The following EPYC variants were observed in gnomAD, a reference collection of about 807,000 sequenced individuals.
EPYC encodes dermatan sulfate proteoglycan 3.
EPYC carries 28 observed loss-of-function variants against 30.1 expected under a neutral mutation model. The observed-to-expected ratio is 0.93, with a 90% CI of 0.69 to 1.28. The LOEUF (loss-of-function observed/expected upper bound fraction) is 1.28. Among genes scored for constraint, EPYC ranks in the 50% most tolerant of loss-of-function variants. EPYC has a pLI of 0.00. For synonymous variants in EPYC, 144 were observed against 141.4 expected (o/e 1.02, Z -0.13); for missense variants, 382 against 383.5 (o/e 1.00, Z 0.03).
chr12:90,972,717 C>T, intron 4 of EPYC, 105 bp downstream of exon 4: 3 of 992,836 alleles, frequency 3.0e-6, no homozygotes, highest in Non-Finnish European at 2.9e-6. Flanking sequence ...ATTCATGAAC[C>T]AGGCTTTGGC....
At chr12:90,999,108 C>A (rs1453848436) in intron 2 of EPYC, among the ~76,000 whole-genome samples, 3 of 151,974 alleles carry the variant, frequency 2.0e-5, no homozygotes, top group Non-Finnish European at 4.4e-5. Context: ...TTAGGTCAGG[C>A]CCTTTTAGGT....
chr12:90,964,418 T>G, intron 6 of EPYC, 92 bp from the exon 7 acceptor site: 2 of 898,806 alleles, frequency 2.2e-6, no homozygotes, highest in Non-Finnish European at 3.2e-6. Flanking sequence ...CTTGTTTTTA[T>G]TCTTTTGTTA....
At chr12:90,970,640 C>T (rs1042931309) in intron 5 of EPYC, among the ~76,000 whole-genome samples, 1 of 152,202 alleles carries the variant, frequency 6.6e-6, no homozygotes, top group Non-Finnish European at 1.5e-5. Context: ...GCCAAACACC[C>T]TAGAATAAAC....
chr12:90,990,845 G>C (rs1565874957), intron 2 of EPYC, among the ~76,000 whole-genome samples: 1 of 152,086 alleles, frequency 6.6e-6, no homozygotes, highest in Admixed American at 6.6e-5. Context: ...TGATTTATTA[G>C]ACTTGACAAC....
intron 6 of EPYC, 79 bp downstream of exon 6, chr12:90,969,965 C>G: frequency 1.0e-6 from 1 of 973,932 alleles, no homozygotes; most frequent in Non-Finnish European, 1.6e-6. Flanking sequence ...CCATTACAGA[C>G]AAATTCTTGT....
At position 90,972,924 on chromosome 12, in the gene EPYC, G is replaced by T; in HGVS notation, c.397C>A (p.His133Asn). The stretch of plus-strand genomic sequence containing the variant: ...AGCGGAGGAATAGCATCAAGTTCAT[G>T]GTCATCACAGTACACGGTGGTACTT... ...CISTTVYCDD[H>N]ELDAIPPLPK... Residue 133 changes from histidine to asparagine, a missense_variant, in exon 4 of 7, where the codon CAT becomes AAT. By Grantham distance (68) the His-to-Asn change is moderately conservative. Transcript: ENST00000261172. 6.2e-7 allele frequency: 1 copy of T among 1,612,344 alleles called. No individual in the cohort carries two copies. The highest frequency in any genetic ancestry group is 2.2e-5 in the East Asian group (1 of 44,854).
At chr12:91,002,707 T>G in intron 1 of EPYC, 129 bp from the exon 2 acceptor site, 1 of 674,526 alleles carries the variant, frequency 1.5e-6, no homozygotes, top group Non-Finnish European at 2.4e-6. Context: ...CCATGGATAA[T>G]TTATAAACAT....
At chr12:90,999,729 T>C (rs1257961272) in intron 2 of EPYC, among the ~76,000 whole-genome samples, 2 of 152,088 alleles carry the variant, frequency 1.3e-5, no homozygotes, top group African/African-American at 4.8e-5. Flanking sequence ...ATGTCATGAG[T>C]AACTCTATTA....
chr12:90,993,646 T>C (rs1169945409), intron 2 of EPYC, among the ~76,000 whole-genome samples: 1 of 151,944 alleles, frequency 6.6e-6, no homozygotes, highest in Non-Finnish European at 1.5e-5. Flanking sequence ...TTTTTCTTTG[T>C]CTCACTTTCT....
At chr12:90,987,997 T>G (rs1877493890) in intron 2 of EPYC, among the ~76,000 whole-genome samples, 1 of 152,136 alleles carries the variant, frequency 6.6e-6, no homozygotes, top group Non-Finnish European at 1.5e-5. Context: ...TTTGCCTGTA[T>G]GTGCAAATGG....
chr12:90,967,698 T>A (rs1876933418), intron 6 of EPYC, among the ~76,000 whole-genome samples: 1 of 152,182 alleles, frequency 6.6e-6, no homozygotes, highest in African/African-American at 2.4e-5. Context: ...CAAGGCCAGG[T>A]GCGGTGGCTC....
intron 2 of EPYC, among the ~76,000 whole-genome samples, chr12:90,994,846 G>C (rs1019647357): frequency 6.6e-6 from 1 of 152,056 alleles, no homozygotes; most frequent in African/African-American, 2.4e-5. Flanking sequence ...CTCAAGCACA[G>C]AATTAAGGTT....
At chr12:90,992,441 G>T (rs1253288816) in intron 2 of EPYC, among the ~76,000 whole-genome samples, 6 of 152,196 alleles carry the variant, frequency 3.9e-5, no homozygotes, top group African/African-American at 7.2e-5. Flanking sequence ...AAAGGGAGAA[G>T]CCACTGGGCA....
At chr12:90,986,457 A>G (rs962435574) in intron 2 of EPYC, among the ~76,000 whole-genome samples, 1 of 152,164 alleles carries the variant, frequency 6.6e-6, no homozygotes, top group Non-Finnish European at 1.5e-5. Context: ...TAATTCCTCT[A>G]TATCCAATTG....
intron 3 of EPYC, among the ~76,000 whole-genome samples, chr12:90,976,988 C>A (rs1413991523): frequency 6.6e-6 from 1 of 152,072 alleles, no homozygotes; most frequent in Non-Finnish European, 1.5e-5. Context: ...TCTTTTTTCT[C>A]TATAAATTAC....
intron 2 of EPYC, among the ~76,000 whole-genome samples, chr12:90,979,931 AC>A: frequency 6.6e-6 from 1 of 152,206 alleles, no homozygotes; most frequent in Non-Finnish European, 1.5e-5. Flanking sequence ...TGAAATCAAA[AC>A]AAAAACAGAT....
At chr12:90,980,385 T>C (rs926728596) in intron 2 of EPYC, among the ~76,000 whole-genome samples, 1 of 152,170 alleles carries the variant, frequency 6.6e-6, no homozygotes, top group Non-Finnish European at 1.5e-5. Flanking sequence ...ATAAATGCAA[T>C]ACAACTTTGA....
At chr12:90,992,454 T>C (rs930975574) in intron 2 of EPYC, among the ~76,000 whole-genome samples, 3 of 152,170 alleles carry the variant, frequency 2.0e-5, no homozygotes, top group African/African-American at 7.2e-5. Flanking sequence ...ACTGGGCATA[T>C]AACATCCAGG....
intron 4 of EPYC, 119 bp from the exon 5 acceptor site, chr12:90,972,121 AT>A (rs1416687965): frequency 1.7e-6 from 1 of 576,244 alleles, no homozygotes; most frequent in Non-Finnish European, 2.9e-6. Context: ...TAATGAGATG[AT>A]TATCTTTCTT....
Sources: gnomAD v4.1 joint callset for allele counts (sites outside exome capture counted in the v4.1 genomes callset) on GRCh38, gnomAD v4.1.1 for gene constraint, MANE v1.5 for transcripts, NCBI Gene and HGNC (gene_info 2026-07-23, HGNC 2026-07-21) for gene names.